Variants in RTN1 observed in about 807,000 individuals in gnomAD.
The protein encoded by RTN1 is reticulon-1.
RTN1 carries 25 observed loss-of-function variants against 65.5 expected under a neutral mutation model. The ratio of observed to expected loss-of-function variants is 0.38; its 90% CI spans 0.28 to 0.53. The LOEUF is 0.53. Ranked by LOEUF, RTN1 falls within the 20% of genes least tolerant of loss-of-function variation. The probability of loss-of-function intolerance (pLI) is 0.79; values close to 1 mark genes in which losing one functional copy is unlikely to be tolerated. For missense variants in RTN1, 983 were observed against 1,025.4 expected (o/e 0.96, Z 0.57); for synonymous variants, 471 against 447.6 (o/e 1.05, Z -0.66).
intron 1 of RTN1, among the ~76,000 whole-genome samples, chr14:59,841,388 G>C (rs1887308692): frequency 6.6e-6 from 1 of 152,084 alleles, no homozygotes; most frequent in African/African-American, 2.4e-5. Context: ...AGAAGAAATT[G>C]TCAGACTGGA....
At chr14:59,720,164 AAAT>A (rs1171061310) in intron 3 of RTN1, among the ~76,000 whole-genome samples, 1 of 152,202 alleles carries the variant, frequency 6.6e-6, no homozygotes, top group East Asian at 1.9e-4. Context: ...CTGTCCCTAG[AAAT>A]AATAAGTGCT....
At chr14:59,756,841 GT>G (rs11450526) in intron 1 of RTN1, among the ~76,000 whole-genome samples, 187 of 100,640 alleles carry the variant, frequency 1.9e-3, no homozygotes, top group African/African-American at 5.0e-3. Context: ...TCTTTTTTTT[GT>G]TTTTTTTTTT....
intron 2 of RTN1, among the ~76,000 whole-genome samples, chr14:59,739,891 T>G (rs1390687954): frequency 6.6e-6 from 1 of 152,172 alleles, no homozygotes; most frequent in African/African-American, 2.4e-5. Flanking sequence ...CAGAAGCCTC[T>G]GTCTAACCAC....
In RTN1 at chr14:59,726,963, C is replaced by T; in HGVS notation, c.1721G>A (p.Gly574Asp). The T allele has an allele frequency of 1.2e-6, 2 of 1,613,398 alleles. No individual in the cohort carries two copies. Among genetic ancestry groups the T allele is most frequent in the Non-Finnish European group, 1.7e-6 (2 of 1,179,728 alleles). Residue 574 changes from glycine (G) to aspartate (D), a missense_variant, in exon 3 of 9, where the codon GGT (glycine) becomes GAT (aspartate). Gly to Asp is a moderately conservative substitution (Grantham distance 94). Coordinates refer to ENST00000267484, the MANE Select transcript of RTN1 (RefSeq NM_021136.3). ...PAATKGPGPL[G>D]PGAPPPLLFL... Reference sequence around the variant, plus strand: ...CAGCAGTGGGGGCGGGGCGCCAGGACCTAGAGGCCCAGGGCCCTTTGTGGC... The same window carrying T: ...CAGCAGTGGGGGCGGGGCGCCAGGATCTAGAGGCCCAGGGCCCTTTGTGGC...
At chr14:59,599,152 C>G (rs2140156185) in intron 8 of RTN1, among the ~76,000 whole-genome samples, 1 of 152,312 alleles carries the variant, frequency 6.6e-6, no homozygotes, top group East Asian at 1.9e-4. Flanking sequence ...GCAATTAAAA[C>G]CCCCGAGGTA....
At chr14:59,637,001 T>A (rs1376915454) in intron 3 of RTN1, among the ~76,000 whole-genome samples, 2 of 152,246 alleles carry the variant, frequency 1.3e-5, no homozygotes, top group Non-Finnish European at 2.9e-5. Context: ...TTTTTGAAAG[T>A]AAGACAGCAG....
intron 1 of RTN1, among the ~76,000 whole-genome samples, chr14:59,845,136 C>A (rs1295109749): frequency 6.6e-6 from 1 of 152,152 alleles, no homozygotes; most frequent in African/African-American, 2.4e-5. Flanking sequence ...CTAAAGGGTT[C>A]ATAGTTTGCA....
chr14:59,789,338 T>C (rs766955591), intron 1 of RTN1, among the ~76,000 whole-genome samples: 1 of 152,176 alleles, frequency 6.6e-6, no homozygotes, highest in Non-Finnish European at 1.5e-5. Flanking sequence ...GATATATGTT[T>C]ATTTTTTAAT....
At position 59,870,650 on chromosome 14, in the gene RTN1, C is replaced by A; in HGVS notation, c.-20G>T. On this transcript the variant is annotated 5_prime_UTR_variant, in exon 1 of 9. Transcript: ENST00000267484. The surrounding 1 kb of genome is among the most constrained non-coding windows in gnomAD (Gnocchi z 5.1). ...GGCCATGGCTGGCGGTCCCCCGGCGCGGCGACGGCGGCTTGGCTGGGCAGA... is the reference window on the plus strand; with the variant it reads ...GGCCATGGCTGGCGGTCCCCCGGCGAGGCGACGGCGGCTTGGCTGGGCAGA... 2 of 1,359,242 alleles carry A rather than the reference C, an allele frequency of 1.5e-6. No homozygotes were observed. 84.2% of individuals were successfully genotyped at this position (1,359,242 alleles called of 1,614,324 possible).
intron 1 of RTN1, among the ~76,000 whole-genome samples, chr14:59,822,063 T>C (rs1886953113): frequency 6.6e-6 from 1 of 152,186 alleles, no homozygotes; most frequent in African/African-American, 2.4e-5. Context: ...CTCAGTTTCT[T>C]GGAATAATTT....
At position 59,739,574 on chromosome 14, in the gene RTN1, G is replaced by A. The variant is rs76847774; in HGVS notation, c.1015+6134C>T. Among the ~76,000 whole-genome samples the A allele has an allele frequency of 4.9e-3, 736 of 151,648 alleles. 2 individuals carry two copies. The highest frequency in any genetic ancestry group is 8.1e-3 in the Non-Finnish European group (548 of 67,916). On this transcript the variant is annotated intron_variant, in intron 2 of 8. Coordinates refer to ENST00000267484, the MANE Select transcript of RTN1 (RefSeq NM_021136.3). Reference sequence around the variant, plus strand: ...AAAAAAAATGGGAGGGAGGGAAGTAGAAGGAGTATAACCCATTAACAGGAC... The same window carrying A: ...AAAAAAAATGGGAGGGAGGGAAGTAAAAGGAGTATAACCCATTAACAGGAC...
At chr14:59,674,998 G>A (rs941466607) in intron 3 of RTN1, among the ~76,000 whole-genome samples, 2 of 151,906 alleles carry the variant, frequency 1.3e-5, no homozygotes, top group Non-Finnish European at 2.9e-5. Context: ...GGACTTAAAA[G>A]GGCAAGCAAG....
chr14:59,866,391 A>C (rs1887798225), intron 1 of RTN1, among the ~76,000 whole-genome samples: 1 of 152,162 alleles, frequency 6.6e-6, no homozygotes. Context: ...AACCCTCAGA[A>C]TCAGAAGTAA....
intron 1 of RTN1, among the ~76,000 whole-genome samples, chr14:59,787,948 C>T (rs1420339823): frequency 1.3e-5 from 2 of 152,142 alleles, no homozygotes; most frequent in African/African-American, 4.8e-5. Flanking sequence ...TGTATTTAAA[C>T]TCCTTACACT....
chr14:59,721,249 C>T (rs1306923368), intron 3 of RTN1, among the ~76,000 whole-genome samples: 1 of 152,210 alleles, frequency 6.6e-6, no homozygotes, highest in Admixed American at 6.5e-5. Flanking sequence ...AGCCCTCCAG[C>T]CTCAAGCTGC....
At chr14:59,680,802 T>C (rs1205346801) in intron 3 of RTN1, among the ~76,000 whole-genome samples, 2 of 152,122 alleles carry the variant, frequency 1.3e-5, no homozygotes, top group Non-Finnish European at 2.9e-5. Flanking sequence ...TGTTGAACAA[T>C]AGAGAATGTG....
intron 3 of RTN1, among the ~76,000 whole-genome samples, chr14:59,640,570 C>T (rs1001004533): frequency 8.5e-5 from 13 of 152,166 alleles, no homozygotes; most frequent in African/African-American, 3.1e-4. Context: ...CTGCCTCGGC[C>T]TCCCAAAGTG....
chr14:59,611,914 C>A (rs1881963594), intron 3 of RTN1, among the ~76,000 whole-genome samples: 1 of 152,134 alleles, frequency 6.6e-6, no homozygotes, highest in Non-Finnish European at 1.5e-5. Flanking sequence ...ACTCAGGGAA[C>A]CATCCTTATC....
At chr14:59,605,164 G>A in intron 5 of RTN1, 5 of 503,848 alleles carry the variant, frequency 9.9e-6, no homozygotes, top group Non-Finnish European at 1.0e-5. Context: ...GGGCAACCCT[G>A]GACAAATGTC....
Sources: gnomAD v4.1 joint callset for allele counts (sites outside exome capture counted in the v4.1 genomes callset) on GRCh38, gnomAD v4.1.1 for gene constraint, Gnocchi (gnomAD v3.1) non-coding constraint, MANE v1.5 for transcripts, NCBI Gene and HGNC (gene_info 2026-07-23, HGNC 2026-07-21) for gene names.